Variants in SLC4A4 observed in about 807,000 individuals in gnomAD.
SLC4A4 encodes the protein solute carrier family 4 member 4.
SLC4A4 carries 27 observed loss-of-function variants against 111.5 expected under a neutral mutation model. The observed-to-expected ratio is 0.24, with a 90% CI of 0.18 to 0.33. The LOEUF (loss-of-function observed/expected upper bound fraction) is 0.33, where lower values mean the gene tolerates loss of function less well. Ranked by LOEUF, SLC4A4 falls within the 10% of genes least tolerant of loss-of-function variation. SLC4A4 has a pLI of 1.00. For synonymous variants in SLC4A4, 443 were observed against 463.4 expected (o/e 0.96, Z 0.57); for missense variants, 909 against 1,315.5 (o/e 0.69, Z 4.78).
rs531133823 is a variant in SLC4A4 at position 71,405,749 on chromosome 4, A to G, written c.807+8096A>G. Among the ~76,000 whole-genome samples the G allele has an allele frequency of 4.6e-5, 7 of 152,198 alleles. No individual in the cohort carries two copies. The South Asian group carries it at 1.5e-3, about 32-fold the overall frequency. On this transcript the variant is annotated intron_variant, in intron 7 of 25. Transcript: ENST00000264485. ...GATTTGAGTTTATTCTTTATGTTTC[A>G]CTCCACTAAAAGCTTAGTGATTCAA...
At chr4:71,236,524 G>T in intron 1 of SLC4A4, 52 bp from the exon 2 acceptor site, 2 of 1,533,642 alleles carry the variant, frequency 1.3e-6, no homozygotes, top group South Asian at 1.1e-5. Context: ...GCTCCAAGTG[G>T]CTCGCTCCAG....
chr4:71,487,223 A>T (rs1038672103), intron 15 of SLC4A4, among the ~76,000 whole-genome samples: 1 of 151,616 alleles, frequency 6.6e-6, no homozygotes, highest in Admixed American at 6.6e-5. Context: ...TTGCCTTAAA[A>T]AAAGCTGAAG....
chr4:71,534,536 A>AT (rs1289876553), intron 18 of SLC4A4, 148 bp downstream of exon 18: 1 of 711,486 alleles, frequency 1.4e-6, no homozygotes, highest in Non-Finnish European at 2.5e-6. Context: ...ATCACTTTGT[A>AT]TTGGTACATG....
chr4:71,350,800 C>T (rs1221893619), intron 5 of SLC4A4, among the ~76,000 whole-genome samples: 1 of 152,154 alleles, frequency 6.6e-6, no homozygotes, highest in Admixed American at 6.5e-5. Flanking sequence ...TTACACTGGT[C>T]ACCTTCTGCA....
At chr4:71,353,373 A>G (rs1269821829) in intron 5 of SLC4A4, among the ~76,000 whole-genome samples, 1 of 152,228 alleles carries the variant, frequency 6.6e-6, no homozygotes. Context: ...AAAACAGTTC[A>G]GGGACAAATA....
chr4:71,456,665 GT>G (rs1560524777), intron 12 of SLC4A4, among the ~76,000 whole-genome samples: 1 of 152,148 alleles, frequency 6.6e-6, no homozygotes, highest in Non-Finnish European at 1.5e-5. Context: ...GTTTGACACT[GT>G]TTTAAGTGCT....
chr4:71,453,305 C>T lies in SLC4A4; in HGVS notation c.1323-190C>T, dbSNP rs142705507. Reference sequence around the variant, plus strand: ...AAATGTGACACCTAATTTGGTGACCCAAAAAGAAAGAGATAGAAGAAAATT... The same window carrying T: ...AAATGTGACACCTAATTTGGTGACCTAAAAAGAAAGAGATAGAAGAAAATT... On this transcript the variant is annotated intron_variant, in intron 11 of 25. Coordinates refer to ENST00000264485, the MANE Select transcript of SLC4A4 (RefSeq NM_001098484.3). 2.0e-5 allele frequency among the ~76,000 whole-genome samples: 3 copies of T among 152,132 alleles called. No homozygotes were observed. In the East Asian group the frequency reaches 5.8e-4, roughly 29 times the overall value.
At chr4:71,218,750 T>A (rs565483442) in intron 1 of SLC4A4, among the ~76,000 whole-genome samples, 1 of 152,278 alleles carries the variant, frequency 6.6e-6, no homozygotes, top group South Asian at 2.1e-4. Context: ...CATTGACGAG[T>A]AGTCAAGCTT....
chr4:71,478,216 A>G (rs1026614751), intron 14 of SLC4A4, among the ~76,000 whole-genome samples: 2 of 151,988 alleles, frequency 1.3e-5, no homozygotes, highest in Non-Finnish European at 2.9e-5. Flanking sequence ...TTCCTCAAGG[A>G]TCTAAAACTA....
chr4:71,431,779 G>A (rs1005083799), intron 7 of SLC4A4, among the ~76,000 whole-genome samples: 2 of 152,056 alleles, frequency 1.3e-5, no homozygotes, highest in African/African-American at 4.8e-5. Context: ...ATTTATGGAA[G>A]AATATAATCT....
intron 6 of SLC4A4, among the ~76,000 whole-genome samples, chr4:71,389,339 T>C (rs1223290619): frequency 6.6e-6 from 1 of 152,196 alleles, no homozygotes; most frequent in Non-Finnish European, 1.5e-5. Context: ...TTTTGATGTC[T>C]TATTTTCTCC....
chr4:71,503,763 C>T (rs1731150731), intron 16 of SLC4A4, among the ~76,000 whole-genome samples: 2 of 151,954 alleles, frequency 1.3e-5, no homozygotes, highest in Non-Finnish European at 2.9e-5. Flanking sequence ...ATGAATTTAC[C>T]TCTACTGGTG....
At chr4:71,402,723 G>A (rs928408132) in intron 7 of SLC4A4, among the ~76,000 whole-genome samples, 1 of 152,198 alleles carries the variant, frequency 6.6e-6, no homozygotes, top group African/African-American at 2.4e-5. Flanking sequence ...ACTTTGGTGA[G>A]CATCTCTCTG....
chr4:71,092,713 T>C (rs1742421101), intron 1 of SLC4A4, among the ~76,000 whole-genome samples: 1 of 152,258 alleles, frequency 6.6e-6, no homozygotes, highest in Non-Finnish European at 1.5e-5. Flanking sequence ...AAGTAATTGT[T>C]ATTTTTCTTT....
At chr4:71,076,868 T>C (rs949213600) in intron 1 of SLC4A4, among the ~76,000 whole-genome samples, 1 of 151,782 alleles carries the variant, frequency 6.6e-6, no homozygotes, top group Non-Finnish European at 1.5e-5. Flanking sequence ...GAGAGGGCTG[T>C]AGTCCCAGCT....
rs564076459 is a variant in SLC4A4 at position 71,087,236 on chromosome 4, G to A, written c.-64-5494G>A. Among the ~76,000 whole-genome samples, 25 of 151,978 alleles carry A rather than the reference G, an allele frequency of 1.6e-4. 2 individuals carry two copies. The highest frequency in any genetic ancestry group is 6.0e-4 in the African/African-American group (25 of 41,338). Reference sequence around the variant, plus strand: ...CTCTGATGGTAGTTTGTATTTCTGTGGGATCAGTGGTGATATCCCCTTTAT... The same window carrying A: ...CTCTGATGGTAGTTTGTATTTCTGTAGGATCAGTGGTGATATCCCCTTTAT... On this transcript the variant is annotated intron_variant, in intron 1 of 26. Coordinates refer to the SLC4A4 transcript ENST00000649996.
intron 1 of SLC4A4, among the ~76,000 whole-genome samples, chr4:71,225,386 C>G (rs1718982091): frequency 2.0e-5 from 3 of 151,976 alleles, no homozygotes; most frequent in Admixed American, 2.0e-4. Flanking sequence ...TCCCTAATCT[C>G]AGTTCCTACA....
rs4694379 is a variant in SLC4A4, at chr4:71,121,427, T to A, written c.-2+28635T>A. ...ACTGCATCCACTAGGCAAAGCCAGC[T>A]GGGCTCCTCAGTGGGGTGGGGTGTT... On this transcript the variant is annotated intron_variant, in intron 2 of 26. Coordinates refer to the SLC4A4 transcript ENST00000649996. Among the ~76,000 whole-genome samples the A allele has an allele frequency of 7.2e-5, 11 of 152,366 alleles. 1 individual carries two copies. The highest frequency in any genetic ancestry group is 3.4e-3 in the Middle Eastern group (1 of 294).
At chr4:71,440,479 G>A (rs1192607262) in intron 7 of SLC4A4, 137 bp from the exon 8 acceptor site, 2 of 866,004 alleles carry the variant, frequency 2.3e-6, no homozygotes, top group Non-Finnish European at 3.9e-6. Context: ...AGAACATGTT[G>A]CATGTCAATT....
Sources: gnomAD v4.1 joint callset for allele counts (sites outside exome capture counted in the v4.1 genomes callset) on GRCh38, gnomAD v4.1.1 for gene constraint, MANE v1.5 for transcripts, NCBI Gene and HGNC (gene_info 2026-07-23, HGNC 2026-07-21) for gene names.